The following FKBP5 variants were observed in gnomAD, a reference collection of about 807,000 sequenced individuals.
The protein encoded by FKBP5 is FKBP prolyl isomerase 5, also known as peptidyl-prolyl cis-trans isomerase FKBP5.
In FKBP5, 23 loss-of-function variants were observed where a neutral mutation model predicts 50.5. That is an observed-to-expected ratio of 0.46 (90% CI 0.33 to 0.65). The LOEUF is 0.65. FKBP5 is among the 30% of genes least tolerant of loss of function. The pLI is 0.02. For missense variants in FKBP5, 411 were observed against 553.1 expected, an observed-to-expected ratio of 0.74 and a Z score of 2.58; for synonymous variants, 176 against 190.6, an observed-to-expected ratio of 0.92 and a Z score of 0.63.
chr6:35,726,536 CCACACACACACA>C (rs10599241), intron 1 of FKBP5, among the ~76,000 whole-genome samples: 16,587 of 139,394 alleles, frequency 0.12, 1,104 homozygotes, highest in Non-Finnish European at 0.15. Context: ...TCCTCCTCCT[CCACACACACACA>C]CACACACACA....
chr6:35,656,784 C>T (rs1764960960), intron 1 of FKBP5, among the ~76,000 whole-genome samples: 3 of 151,850 alleles, frequency 2.0e-5, no homozygotes, highest in African/African-American at 7.3e-5. Flanking sequence ...GTAATCCCAG[C>T]CACTCAGGAG....
chr6:35,620,903 C>T (rs982151239), intron 3 of FKBP5, among the ~76,000 whole-genome samples: 4 of 151,916 alleles, frequency 2.6e-5, no homozygotes, highest in South Asian at 4.1e-4. Flanking sequence ...CTATAATAAG[C>T]GCAAATTTTC....
chr6:35,595,180 C>A (rs1762950158), intron 6 of FKBP5, among the ~76,000 whole-genome samples: 1 of 152,166 alleles, frequency 6.6e-6, no homozygotes, highest in Non-Finnish European at 1.5e-5. Context: ...AATGATACAA[C>A]AAACAGTTTA....
intron 2 of FKBP5, among the ~76,000 whole-genome samples, chr6:35,713,513 G>A (rs1342502673): frequency 1.3e-5 from 2 of 152,146 alleles, no homozygotes; most frequent in Non-Finnish European, 2.9e-5. Context: ...AGGCACAGAG[G>A]TTTTAAAAGA....
intron 1 of FKBP5, among the ~76,000 whole-genome samples, chr6:35,663,502 G>A (rs1765127706): frequency 6.6e-6 from 1 of 152,202 alleles, no homozygotes; most frequent in Non-Finnish European, 1.5e-5. Flanking sequence ...TCTCACACAG[G>A]ATAAAATCCA....
intron 8 of FKBP5, chr6:35,584,216 G>A: frequency 1.0e-6 from 1 of 985,220 alleles, no homozygotes; most frequent in East Asian, 1.1e-4. Context: ...TATTTTCAGA[G>A]CCAAATAGAG....
intron 1 of FKBP5, among the ~76,000 whole-genome samples, chr6:35,660,330 G>A (rs1393133929): frequency 1.5e-5 from 1 of 64,626 alleles, no homozygotes; most frequent in Non-Finnish European, 3.2e-5. Flanking sequence ...GTGCAATGAC[G>A]CAATCTCAGC....
rs879865924 is a variant in FKBP5 at position 35,589,129 on chromosome 6, T to TATATA, written c.756+2000_756+2001insTATAT. 1.5e-3 allele frequency among the ~76,000 whole-genome samples: 156 copies of TATATA among 102,118 alleles called. 1 individual carries two copies. Among genetic ancestry groups the TATATA allele is most frequent in the African/African-American group, 5.0e-3 (115 of 22,866 alleles). 67.0% of individuals were successfully genotyped at this position (102,118 alleles called of 152,430 possible). ...ATATTTTTATATATATATATATATA[T>TATATA]TTTTTTTTTTTTCCTCTGAGACGGA... On this transcript the variant is annotated intron_variant, in intron 7 of 10. Transcript: ENST00000357266.
intron 3 of FKBP5, among the ~76,000 whole-genome samples, chr6:35,621,628 AAAAAAAAGGCT>A (rs1278385981): frequency 7.8e-4 from 118 of 151,110 alleles, no homozygotes; most frequent in African/African-American, 2.8e-3. Flanking sequence ...CAAAAAAAAA[AAAAAAAAGGCT>A]AAATGACAAA....
At chr6:35,583,765 C>A in intron 8 of FKBP5, 1 of 985,264 alleles carries the variant, frequency 1.0e-6, no homozygotes, top group Non-Finnish European at 1.2e-6. Flanking sequence ...TTGAAAAATT[C>A]TGCACTAAAG....
intron 2 of FKBP5, among the ~76,000 whole-genome samples, chr6:35,710,978 C>T (rs527266091): frequency 2.6e-5 from 4 of 152,140 alleles, no homozygotes; most frequent in East Asian, 1.9e-4. Context: ...CAGACTGGAC[C>T]GGGTAGGGAT....
At chr6:35,651,052 T>C (rs565282620) in intron 1 of FKBP5, among the ~76,000 whole-genome samples, 3 of 152,308 alleles carry the variant, frequency 2.0e-5, no homozygotes, top group African/African-American at 7.2e-5. Flanking sequence ...ATTTTCAAGA[T>C]GTACTATTAA....
intron 3 of FKBP5, among the ~76,000 whole-genome samples, chr6:35,630,435 T>G (rs1764121361): frequency 6.6e-6 from 1 of 151,540 alleles, no homozygotes; most frequent in Non-Finnish European, 1.5e-5. Flanking sequence ...TAATCCCAGC[T>G]ACTCAGGAGG....
intron 1 of FKBP5, among the ~76,000 whole-genome samples, chr6:35,651,468 C>G (rs968069252): frequency 1.3e-5 from 2 of 151,996 alleles, no homozygotes; most frequent in Non-Finnish European, 2.9e-5. Flanking sequence ...TGTGCGATGT[C>G]CAGAAGGTTA....
intron 5 of FKBP5, among the ~76,000 whole-genome samples, chr6:35,606,675 A>AGTC (rs1417462099): frequency 2.2e-5 from 3 of 139,492 alleles, no homozygotes; most frequent in East Asian, 2.2e-4. Flanking sequence ...AAAAAAAAAA[A>AGTC]AAAAAAAAAA....
chr6:35,595,253 A>G (rs1762953302), intron 6 of FKBP5, among the ~76,000 whole-genome samples: 1 of 152,246 alleles, frequency 6.6e-6, no homozygotes, highest in South Asian at 2.1e-4. Context: ...CTTTGTCACT[A>G]AACTTGAGAC....
intron 8 of FKBP5, chr6:35,585,597 T>C (rs1387376046): frequency 1.0e-6 from 1 of 984,640 alleles, no homozygotes; most frequent in Non-Finnish European, 1.2e-6. Context: ...CCATGCTTTC[T>C]GGTGATCCAT....
intron 1 of FKBP5, among the ~76,000 whole-genome samples, chr6:35,655,445 G>A (rs1240244477): frequency 6.6e-6 from 1 of 152,182 alleles, no homozygotes; most frequent in Non-Finnish European, 1.5e-5. Flanking sequence ...AACTTGAGGT[G>A]ATTCACTAGG....
chr6:35,622,924 C>A (rs1277379468), intron 3 of FKBP5, among the ~76,000 whole-genome samples: 1 of 152,156 alleles, frequency 6.6e-6, no homozygotes, highest in Non-Finnish European at 1.5e-5. Context: ...ACAGTACTTG[C>A]CATATATTAA....
Sources: gnomAD v4.1 joint callset for allele counts (sites outside exome capture counted in the v4.1 genomes callset) on GRCh38, gnomAD v4.1.1 for gene constraint, MANE v1.5 for transcripts, NCBI Gene and HGNC (gene_info 2026-07-23, HGNC 2026-07-21) for gene names.